The following TSPAN7 variants were observed in gnomAD, a reference collection of about 807,000 sequenced individuals.
TSPAN7 encodes tetraspanin-7.
In TSPAN7, 1 loss-of-function variant was observed where a neutral mutation model predicts 17.6. That is an observed-to-expected ratio of 0.06 (90% CI 0.02 to 0.27). TSPAN7 has a LOEUF of 0.27. TSPAN7 is among the 10% of genes least tolerant of loss of function. The pLI is 1.00. For synonymous variants in TSPAN7, 78 were observed against 79.0 expected (o/e 0.99, Z 0.07); for missense variants, 112 against 201.7 (o/e 0.56, Z 2.69).
chrX:38,674,050 C>T (rs1462623611), intron 3 of TSPAN7, among the ~76,000 whole-genome samples, 171 bp from the exon 4 acceptor site: 1 of 111,208 alleles, frequency 9.0e-6, no homozygotes, highest in African/African-American at 3.3e-5. Context: ...CTTAAAAACC[C>T]CCTGGTGAAT....
intron 1 of TSPAN7, among the ~76,000 whole-genome samples, chrX:38,567,091 A>AGT (rs752848871): frequency 3.1e-5 from 3 of 96,937 alleles, no homozygotes; most frequent in Non-Finnish European, 5.8e-5. Flanking sequence ...AATTTAAAAC[A>AGT]ATTTTTTTTT....
chrX:38,673,308 A>G (rs1204907787), intron 3 of TSPAN7, among the ~76,000 whole-genome samples: 2 of 111,131 alleles, frequency 1.8e-5, no homozygotes, highest in African/African-American at 6.6e-5. Flanking sequence ...TTCCAGGGAA[A>G]CAGAGCTTGA....
chrX:38,567,398 C>T (rs2069148801), intron 1 of TSPAN7, among the ~76,000 whole-genome samples: 1 of 111,877 alleles, frequency 8.9e-6, no homozygotes, highest in African/African-American at 3.3e-5. Flanking sequence ...ATAAAACCAT[C>T]AGATCTTGTG....
At chrX:38,619,254 G>A in intron 1 of TSPAN7, among the ~76,000 whole-genome samples, 1 of 110,822 alleles carries the variant, frequency 9.0e-6, no homozygotes, top group Non-Finnish European at 1.9e-5. Flanking sequence ...CATTGCATTG[G>A]AGTCTGCCCT....
intron 3 of TSPAN7, among the ~76,000 whole-genome samples, chrX:38,673,364 CTTT>C (rs1173827469): frequency 1.2e-5 from 1 of 85,962 alleles, no homozygotes; most frequent in Non-Finnish European, 2.3e-5. Context: ...GTTTTGTTAA[CTTT>C]TTTTTTTTTT....
At chrX:38,682,853 A>C (rs776185749) in intron 6 of TSPAN7, among the ~76,000 whole-genome samples, 1 of 112,189 alleles carries the variant, frequency 8.9e-6, no homozygotes, top group Admixed American at 9.4e-5. Flanking sequence ...ACTGAGGGAC[A>C]TTTTAGAGGA....
rs138154598 is a variant in TSPAN7, at chrX:38,590,150, G to A, written c.81+28523G>A. On this transcript the variant is annotated intron_variant, in intron 1 of 7. Coordinates refer to ENST00000378482, the MANE Select transcript of TSPAN7 (RefSeq NM_004615.4). ...TTTTTTGTGACATTCTGTTGCCCAG[G>A]CTGGAGTACAGTGGCATGATCATGG... Among the ~76,000 whole-genome samples, 726 of 111,711 alleles carry A rather than the reference G, an allele frequency of 6.5e-3. 5 individuals are homozygous for A. The highest frequency in any genetic ancestry group is 0.022 in the African/African-American group (667 of 30,734).
chrX:38,680,171 C>A (rs2147457258), intron 5 of TSPAN7, among the ~76,000 whole-genome samples: 1 of 111,451 alleles, frequency 9.0e-6, no homozygotes, highest in East Asian at 2.8e-4. Flanking sequence ...AGTTAATGCA[C>A]CATTTTTTTT....
chrX:38,617,372 T>A (rs1159100625), intron 1 of TSPAN7, among the ~76,000 whole-genome samples: 1 of 112,864 alleles, frequency 8.9e-6, no homozygotes, highest in South Asian at 3.6e-4. Flanking sequence ...CAAATTTATA[T>A]TGAGTAAAGG....
chrX:38,645,112 A>G (rs1345634286), intron 1 of TSPAN7, among the ~76,000 whole-genome samples: 1 of 112,000 alleles, frequency 8.9e-6, no homozygotes, highest in Non-Finnish European at 1.9e-5. Context: ...CACCCCACCC[A>G]TCTGCACTCA....
Position 38,591,993 on chromosome X carries a change from A to T in TSPAN7, c.81+30366A>T, listed in dbSNP as rs774164474. On this transcript the variant is annotated intron_variant, in intron 1 of 7. Transcript: ENST00000378482. ...GCATGGCTGGCGGAGGCCTCAGGAA[A>T]CTTACAAGCATGGTGGAAGGCAAAG... is the stretch of plus-strand genomic sequence containing the variant. Among the ~76,000 whole-genome samples, 183 of 111,978 alleles carry T rather than the reference A, an allele frequency of 1.6e-3. 2 individuals carry two copies. The East Asian group carries it at 0.017, about 11-fold the overall frequency.
chrX:38,618,573 T>G (rs181192386), intron 1 of TSPAN7, among the ~76,000 whole-genome samples: 43 of 111,689 alleles, frequency 3.8e-4, no homozygotes, highest in Admixed American at 3.2e-3. Flanking sequence ...GGAGGGTTCA[T>G]TTCCCCACAA....
intron 1 of TSPAN7, among the ~76,000 whole-genome samples, chrX:38,596,439 G>A (rs1434712915): frequency 6.3e-5 from 7 of 111,885 alleles, no homozygotes; most frequent in Non-Finnish European, 1.3e-4. Context: ...TGCTTTATAT[G>A]TGGAACTGTT....
chrX:38,660,766 A>G (rs3810696), intron 1 of TSPAN7, among the ~76,000 whole-genome samples: 39,340 of 111,086 alleles, frequency 0.35, 6,128 homozygotes, highest in Middle Eastern at 0.54. Context: ...TCTATTCCAT[A>G]TGGCTATTTA....
chrX:38,651,600 G>C lies in TSPAN7; in HGVS notation c.82-14521G>C, dbSNP rs753437042. Among the ~76,000 whole-genome samples, 12 of 112,334 alleles carry C rather than the reference G, an allele frequency of 1.1e-4. No individual in the cohort carries two copies. The South Asian group carries it at 4.5e-3, about 42-fold the overall frequency. On this transcript the variant is annotated intron_variant, in intron 1 of 7. Coordinates refer to ENST00000378482, the MANE Select transcript of TSPAN7 (RefSeq NM_004615.4). ...CATCTTCGTTGTGCTTTGAAAGGCA[G>C]GTAGGACCTGGCTGAGCAGCGATGG...
chrX:38,641,476 TCTACCCGATAGCGGAGTTCTCTCTGTGA>T (rs1230496565), intron 1 of TSPAN7, among the ~76,000 whole-genome samples: 24 of 111,912 alleles, frequency 2.1e-4, no homozygotes, highest in Non-Finnish European at 3.8e-4. Flanking sequence ...TCTGACCATC[TCTACCCGATAGCGGAGTTCTCTCTGTGA>T]TGCCCTTCTC....
At chrX:38,667,710 A>C (rs1602120753) in intron 2 of TSPAN7, among the ~76,000 whole-genome samples, 1 of 112,276 alleles carries the variant, frequency 8.9e-6, no homozygotes, top group East Asian at 2.8e-4. Context: ...AATGAGGCCC[A>C]TCCTGATTAT....
intron 1 of TSPAN7, among the ~76,000 whole-genome samples, chrX:38,601,235 G>A (rs1348852543): frequency 1.8e-5 from 2 of 111,544 alleles, no homozygotes; most frequent in Non-Finnish European, 3.8e-5. Flanking sequence ...TACATATCAT[G>A]TAGGGTATAT....
At chrX:38,585,171 T>C (rs1424898328) in intron 1 of TSPAN7, among the ~76,000 whole-genome samples, 2 of 112,177 alleles carry the variant, frequency 1.8e-5, no homozygotes, top group African/African-American at 6.5e-5. Context: ...TTTTCTTTCC[T>C]GTTGAACGTG....
Sources: gnomAD v4.1 joint callset for allele counts (sites outside exome capture counted in the v4.1 genomes callset) on GRCh38, gnomAD v4.1.1 for gene constraint, MANE v1.5 for transcripts, NCBI Gene and HGNC (gene_info 2026-07-23, HGNC 2026-07-21) for gene names.